Variants in CDC42BPA observed in about 807,000 individuals in gnomAD.
CDC42BPA encodes CDC42 binding protein kinase alpha, also known as serine/threonine-protein kinase MRCK alpha.
CDC42BPA carries 80 observed loss-of-function variants against 223.5 expected under a neutral mutation model. That is an observed-to-expected ratio of 0.36 (90% CI 0.30 to 0.43). CDC42BPA has a LOEUF of 0.43. Ranked by LOEUF, CDC42BPA falls within the 20% of genes least tolerant of loss-of-function variation. The pLI is 1.00. For missense variants in CDC42BPA, 1,743 were observed against 2,099.9 expected, an observed-to-expected ratio of 0.83 and a Z score of 3.32; for synonymous variants, 694 against 718.6, an observed-to-expected ratio of 0.97 and a Z score of 0.55.
At chr1:227,303,171 A>G (rs1691963215) in intron 1 of CDC42BPA, among the ~76,000 whole-genome samples, 1 of 152,158 alleles carries the variant, frequency 6.6e-6, no homozygotes, top group Non-Finnish European at 1.5e-5. Context: ...CATGATGTGA[A>G]GCTCCAAATC....
intron 20 of CDC42BPA, among the ~76,000 whole-genome samples, 185 bp downstream of exon 20, chr1:227,072,023 G>A (rs1558430216): frequency 2.0e-5 from 3 of 151,856 alleles, no homozygotes; most frequent in South Asian, 4.2e-4. Flanking sequence ...ATGACTCAGA[G>A]GTCAGTCTTC....
chr1:226,995,109 A>T (rs1661353921), intron 35 of CDC42BPA, 129 bp from the exon 36 acceptor site: 2 of 755,714 alleles, frequency 2.6e-6, no homozygotes, highest in Non-Finnish European at 4.3e-6. Flanking sequence ...AAGCGCAGTA[A>T]GTCCAACTGT....
Position 227,007,708 on chromosome 1 carries a change from T to C in CDC42BPA, c.4858-2597A>G, listed in dbSNP as rs1048328483. ...TACTCTTTCTTCTAGTAGCTTAACA[T>C]AGAGAATACAATAGGGAAATTTATC... On this transcript the variant is annotated intron_variant, in intron 34 of 36. Transcript: ENST00000366766. Among the ~76,000 whole-genome samples the C allele has an allele frequency of 2.6e-5, 4 of 152,318 alleles. No homozygotes were observed. In the East Asian group the frequency reaches 5.8e-4, roughly 22 times the overall value.
intron 1 of CDC42BPA, among the ~76,000 whole-genome samples, chr1:227,314,343 G>T (rs2148842666): frequency 1.3e-5 from 2 of 151,994 alleles, no homozygotes; most frequent in African/African-American, 4.8e-5. Flanking sequence ...TAGTCTTAAG[G>T]CACTTTTATT....
intron 6 of CDC42BPA, among the ~76,000 whole-genome samples, chr1:227,151,164 C>A (rs999355151): frequency 6.6e-6 from 1 of 152,080 alleles, no homozygotes; most frequent in Non-Finnish European, 1.5e-5. Flanking sequence ...CCCCATTTCC[C>A]CTTCCCCTAG....
intron 23 of CDC42BPA, among the ~76,000 whole-genome samples, chr1:227,047,232 G>C (rs148078238): frequency 2.6e-5 from 4 of 151,912 alleles, no homozygotes; most frequent in African/African-American, 9.7e-5. Flanking sequence ...CCTGCCTCAT[G>C]TTACCAACAT....
At chr1:227,261,373 C>A (rs150763842) in intron 1 of CDC42BPA, among the ~76,000 whole-genome samples, 21 of 150,744 alleles carry the variant, frequency 1.4e-4, no homozygotes, top group Admixed American at 1.4e-3. Flanking sequence ...GCCTTGGCCT[C>A]CCAAAATGCT....
intron 11 of CDC42BPA, among the ~76,000 whole-genome samples, chr1:227,125,243 G>C (rs1344847284): frequency 6.6e-6 from 1 of 151,022 alleles, no homozygotes; most frequent in African/African-American, 2.4e-5. Context: ...TGTCAACAAT[G>C]GACAAGTGCA....
intron 2 of CDC42BPA, among the ~76,000 whole-genome samples, chr1:227,246,863 C>T (rs1028104794): frequency 1.3e-5 from 2 of 152,094 alleles, no homozygotes; most frequent in African/African-American, 4.8e-5. Flanking sequence ...GGGATCAATC[C>T]TAGAGAAACA....
In CDC42BPA at chr1:227,186,494, C is replaced by T. The variant is rs1169340083; in HGVS notation, c.599+7292G>A. Among the ~76,000 whole-genome samples the T allele has an allele frequency of 2.0e-5, 3 of 152,102 alleles. No individual in the cohort carries two copies. In the East Asian group the frequency reaches 5.8e-4, roughly 29 times the overall value. On this transcript the variant is annotated intron_variant, in intron 5 of 36. Transcript: ENST00000366766. Reference sequence around the variant, plus strand: ...CTGGCACCTTCTAGCCATCCTGTCCCAACTAAGCAGGAAGGCAGGAAGGGA... The same window carrying T: ...CTGGCACCTTCTAGCCATCCTGTCCTAACTAAGCAGGAAGGCAGGAAGGGA...
intron 5 of CDC42BPA, among the ~76,000 whole-genome samples, chr1:227,180,977 A>G (rs1286049729): frequency 6.6e-6 from 1 of 152,046 alleles, no homozygotes; most frequent in Admixed American, 6.6e-5. Flanking sequence ...ACTTTAATCA[A>G]CCTTAATCAG....
chr1:227,207,671 T>C (rs1269847891), intron 3 of CDC42BPA, among the ~76,000 whole-genome samples: 60 of 151,466 alleles, frequency 4.0e-4, no homozygotes, highest in Admixed American at 2.9e-3. Context: ...CAATTTCATC[T>C]ATGTCCCTAC....
chr1:227,096,462 TAA>T (rs1370077480), intron 15 of CDC42BPA, among the ~76,000 whole-genome samples: 1 of 152,208 alleles, frequency 6.6e-6, no homozygotes, highest in Admixed American at 6.5e-5. Flanking sequence ...ACAGATTCTG[TAA>T]CTACTTTTTC....
chr1:227,204,714 T>C (rs1439074772), intron 3 of CDC42BPA, among the ~76,000 whole-genome samples: 1 of 152,116 alleles, frequency 6.6e-6, no homozygotes, highest in Non-Finnish European at 1.5e-5. Context: ...GCATGACTAG[T>C]TTTGAAGCAC....
chr1:227,095,965 T>C (rs1301000612), intron 15 of CDC42BPA, among the ~76,000 whole-genome samples: 2 of 152,310 alleles, frequency 1.3e-5, no homozygotes, highest in East Asian at 1.9e-4. Flanking sequence ...ATGGATGCTA[T>C]AGGATGTTAG....
intron 16 of CDC42BPA, among the ~76,000 whole-genome samples, chr1:227,084,332 A>T (rs147017140): frequency 0.019 from 2,838 of 152,208 alleles, 87 homozygotes; most frequent in African/African-American, 0.064. Context: ...GTTTGAGACC[A>T]GCCTGGCCAA....
At chr1:227,272,933 GACTAA>G (rs1251546400) in intron 1 of CDC42BPA, among the ~76,000 whole-genome samples, 1 of 152,136 alleles carries the variant, frequency 6.6e-6, no homozygotes, top group Non-Finnish European at 1.5e-5. Context: ...TCTTTGCAGA[GACTAA>G]ACTATTTACT....
chr1:227,014,777 C>A (rs982444908), intron 34 of CDC42BPA, among the ~76,000 whole-genome samples: 4 of 152,110 alleles, frequency 2.6e-5, no homozygotes, highest in African/African-American at 9.6e-5. Flanking sequence ...TAAAATTCTG[C>A]GCAAAATTTA....
At chr1:227,224,238 T>C (rs1295819822) in intron 2 of CDC42BPA, among the ~76,000 whole-genome samples, 2 of 71,678 alleles carry the variant, frequency 2.8e-5, no homozygotes, top group Admixed American at 3.0e-4. Flanking sequence ...TTTCTTCCTT[T>C]TTTTTTTTTT....
Sources: allele counts gnomAD v4.1 joint callset (sites outside exome capture counted in the v4.1 genomes callset), GRCh38; gene constraint gnomAD v4.1.1; transcripts MANE v1.5; gene names NCBI Gene and HGNC (gene_info 2026-07-23, HGNC 2026-07-21).